MCPH1: variants seen among roughly 807,000 people sequenced by gnomAD.
The protein encoded by MCPH1 is microcephalin 1.
MCPH1 carries 104 observed loss-of-function variants against 84.5 expected under a neutral mutation model. The ratio of observed to expected loss-of-function variants is 1.23; its 90% confidence interval spans 1.05 to 1.45. The LOEUF is 1.45. MCPH1 is among the 40% of genes most tolerant of loss of function. MCPH1 has a pLI of 0.00. For synonymous variants in MCPH1, 514 were observed against 366.8 expected (o/e 1.40, Z -4.58); for missense variants, 1,498 against 1,005.7 (o/e 1.49, Z -6.62).
intron 12 of MCPH1, chr8:6,532,240 T>G: frequency 2.1e-6 from 3 of 1,461,358 alleles, no homozygotes; most frequent in Non-Finnish European, 2.8e-6. Flanking sequence ...CTTTCTTTAG[T>G]TTCTCATGCC....
chr8:6,413,300 C>G (rs1798794202), intron 2 of MCPH1, among the ~76,000 whole-genome samples: 1 of 152,026 alleles, frequency 6.6e-6, no homozygotes, highest in South Asian at 2.1e-4. Context: ...TCTCTATCCT[C>G]TTCACCTTGA....
At chr8:6,515,511 C>T (rs988769796) in intron 12 of MCPH1, among the ~76,000 whole-genome samples, 1 of 152,224 alleles carries the variant, frequency 6.6e-6, no homozygotes, top group Non-Finnish European at 1.5e-5. Context: ...TGCTCTTAAA[C>T]TGGCTCTGTG....
chr8:6,435,837 C>T (rs1334394138), intron 4 of MCPH1, among the ~76,000 whole-genome samples: 1 of 152,120 alleles, frequency 6.6e-6, no homozygotes, highest in East Asian at 1.9e-4. Flanking sequence ...AATACAGAGC[C>T]TTTTATACAG....
chr8:6,458,326 G>T (rs976218481), intron 9 of MCPH1, among the ~76,000 whole-genome samples: 1 of 151,950 alleles, frequency 6.6e-6, no homozygotes, highest in Non-Finnish European at 1.5e-5. Flanking sequence ...CAAAAAATTA[G>T]CTGGGCGTAG....
At chr8:6,433,575 G>A (rs1802161290) in intron 4 of MCPH1, among the ~76,000 whole-genome samples, 1 of 142,644 alleles carries the variant, frequency 7.0e-6, no homozygotes, top group Admixed American at 7.1e-5. Context: ...GGAGGTTGCA[G>A]TGAGCCCAGA....
At chr8:6,462,856 C>T (rs1456039401) in intron 9 of MCPH1, among the ~76,000 whole-genome samples, 3 of 152,238 alleles carry the variant, frequency 2.0e-5, no homozygotes, top group Non-Finnish European at 4.4e-5. Flanking sequence ...CTATTTTCTT[C>T]AGCACCAGCT....
intron 12 of MCPH1, among the ~76,000 whole-genome samples, chr8:6,549,725 T>G (rs1586564549): frequency 6.6e-6 from 1 of 151,784 alleles, no homozygotes; most frequent in Non-Finnish European, 1.5e-5. Context: ...CGCACAGATA[T>G]GGATGAGGAG....
At chr8:6,408,940 C>G (rs1585550052) in intron 1 of MCPH1, among the ~76,000 whole-genome samples, 1 of 151,260 alleles carries the variant, frequency 6.6e-6, no homozygotes, top group Non-Finnish European at 1.5e-5. Flanking sequence ...GGCTGGAGTG[C>G]AATGGCGCAA....
chr8:6,559,949 C>A (rs1176827430), intron 12 of MCPH1, among the ~76,000 whole-genome samples: 5 of 152,184 alleles, frequency 3.3e-5, no homozygotes, highest in Non-Finnish European at 7.3e-5. Context: ...ATTCAGAAGC[C>A]TGACACTTCC....
intron 8 of MCPH1, among the ~76,000 whole-genome samples, chr8:6,451,838 T>C (rs1179603959): frequency 1.3e-5 from 2 of 152,244 alleles, no homozygotes; most frequent in Non-Finnish European, 2.9e-5. Flanking sequence ...TATTTTTACA[T>C]GTTAAAATTA....
intron 12 of MCPH1, among the ~76,000 whole-genome samples, chr8:6,527,382 G>A (rs1163129163): frequency 6.6e-6 from 1 of 152,228 alleles, no homozygotes; most frequent in Non-Finnish European, 1.5e-5. Context: ...GGAGAGCTGT[G>A]CCTGTGCAGG....
intron 4 of MCPH1, among the ~76,000 whole-genome samples, chr8:6,433,281 C>T (rs2129554225): frequency 6.6e-6 from 1 of 152,286 alleles, no homozygotes; most frequent in Non-Finnish European, 1.5e-5. Context: ...GATAAAATTA[C>T]TGGGTAAGAA....
At chr8:6,623,270 C>T (rs931745726) in intron 13 of MCPH1, among the ~76,000 whole-genome samples, 24 of 152,066 alleles carry the variant, frequency 1.6e-4, no homozygotes, top group Non-Finnish European at 1.0e-4. Flanking sequence ...CAATTCAGCC[C>T]ATAACAATGA....
At chr8:6,453,935 C>T (rs4841082) in intron 8 of MCPH1, among the ~76,000 whole-genome samples, 36,363 of 152,052 alleles carry the variant, frequency 0.24, 5,670 homozygotes, top group Non-Finnish European at 0.35. Flanking sequence ...ACCTTAAAAT[C>T]TGTCCAGGGC....
chr8:6,613,042 G>T (rs1337316984), intron 12 of MCPH1, among the ~76,000 whole-genome samples: 1 of 152,254 alleles, frequency 6.6e-6, no homozygotes, highest in Non-Finnish European at 1.5e-5. Flanking sequence ...GAGAAGGCGA[G>T]AGGCATGGGG....
chr8:6,407,533 C>T (rs750505450), intron 1 of MCPH1, among the ~76,000 whole-genome samples: 1 of 152,052 alleles, frequency 6.6e-6, no homozygotes, highest in Non-Finnish European at 1.5e-5. Context: ...GGACACGTGT[C>T]TTGTAGAGTT....
At chr8:6,490,906 TA>T (rs1441331215) in intron 11 of MCPH1, among the ~76,000 whole-genome samples, 2 of 150,882 alleles carry the variant, frequency 1.3e-5, no homozygotes, top group Non-Finnish European at 2.9e-5. Context: ...AAGTTGTGCC[TA>T]AGTTAATAAT....
chr8:6,523,612 C>T (rs968638447), intron 12 of MCPH1, among the ~76,000 whole-genome samples: 4 of 151,550 alleles, frequency 2.6e-5, no homozygotes, highest in South Asian at 2.1e-4. Flanking sequence ...GATGGAGTCT[C>T]GGAGTCTCGC....
chr8:6,553,132 G>A (rs763512353), intron 12 of MCPH1, among the ~76,000 whole-genome samples: 12 of 152,150 alleles, frequency 7.9e-5, no homozygotes, highest in Non-Finnish European at 1.0e-4. Flanking sequence ...AGATTCATCA[G>A]TTGTAACCAG....
Sources: allele counts gnomAD v4.1 joint callset (sites outside exome capture counted in the v4.1 genomes callset), GRCh38; gene constraint gnomAD v4.1.1; transcripts MANE v1.5; gene names NCBI Gene and HGNC (gene_info 2026-07-23, HGNC 2026-07-21).